The following TMPRSS15 variants were observed in gnomAD, a reference collection of about 807,000 sequenced individuals.
TMPRSS15 encodes the protein enteropeptidase.
TMPRSS15 carries 128 observed loss-of-function variants against 125.3 expected under a neutral mutation model. The observed-to-expected ratio is 1.02, with a 90% CI of 0.89 to 1.18. The LOEUF (loss-of-function observed/expected upper bound fraction) is 1.18, where lower values mean the gene tolerates loss of function less well. TMPRSS15 is among the 50% of genes most tolerant of loss of function. TMPRSS15 has a pLI of 0.00. For synonymous variants in TMPRSS15, 446 were observed against 423.2 expected, an observed-to-expected ratio of 1.05 and a Z score of -0.66; for missense variants, 1,283 against 1,212.7, an observed-to-expected ratio of 1.06 and a Z score of -0.86.
chr21:18,343,829 G>T, intron 11 of TMPRSS15, 126 bp downstream of exon 11: 1 of 1,167,040 alleles, frequency 8.6e-7, no homozygotes, highest in Middle Eastern at 1.9e-4. Flanking sequence ...TTATCAGTTG[G>T]GAAAAGTAAT....
At chr21:18,331,827 AC>A (rs1322962077) in intron 14 of TMPRSS15, among the ~76,000 whole-genome samples, 2 of 152,216 alleles carry the variant, frequency 1.3e-5, no homozygotes, top group Non-Finnish European at 2.9e-5. Context: ...TAATAATGAC[AC>A]CTGCTTCAAG....
intron 4 of TMPRSS15, among the ~76,000 whole-genome samples, chr21:18,380,283 T>C (rs2075881059): frequency 6.6e-6 from 1 of 151,910 alleles, no homozygotes; most frequent in African/African-American, 2.4e-5. Context: ...ATATCTCTCA[T>C]ATATATTTGT....
At chr21:18,481,246 C>A (rs1978975255) in intron 1 of TMPRSS15, among the ~76,000 whole-genome samples, 1 of 151,764 alleles carries the variant, frequency 6.6e-6, no homozygotes, top group African/African-American at 2.4e-5. Flanking sequence ...TTTCTTAACT[C>A]TTCTGAGCTT....
Position 18,348,829 on chromosome 21 carries a change from AAGT to A in TMPRSS15, c.1171+4071_1171+4073del, listed in dbSNP as rs2075535568. Among the ~76,000 whole-genome samples the A allele has an allele frequency of 2.6e-5, 4 of 152,368 alleles. No homozygotes were observed. In the South Asian group the frequency reaches 8.3e-4, roughly 32 times the overall value. On this transcript the variant is annotated intron_variant, in intron 10 of 24. Coordinates refer to ENST00000284885, the MANE Select transcript of TMPRSS15 (RefSeq NM_002772.3). ...CGAATACTTTTGCAGTATGAAAAGA[AAGT>A]AGTTATAATACCTAACATTTATATA... is the stretch of plus-strand genomic sequence containing the variant.
chr21:18,398,916 C>T lies in TMPRSS15; in HGVS notation c.146-587G>A, dbSNP rs1004631153. 7.9e-5 allele frequency among the ~76,000 whole-genome samples: 12 copies of T among 151,456 alleles called. 1 individual carries two copies. The South Asian group carries it at 1.2e-3, about 16-fold the overall frequency. On this transcript the variant is annotated intron_variant, in intron 1 of 24. Transcript: ENST00000284885. ...AGCTGGTGACTGTCTTTGTTGAAGA[C>T]GTTATTTAGAATGCTGTAGAAAATA... is the stretch of plus-strand genomic sequence containing the variant.
At chr21:18,346,849 T>A (rs930798545) in intron 10 of TMPRSS15, among the ~76,000 whole-genome samples, 1 of 152,202 alleles carries the variant, frequency 6.6e-6, no homozygotes. Context: ...TTATTCAAGA[T>A]CTTTTATTAT....
At chr21:18,448,050 T>C (rs915566995) in intron 1 of TMPRSS15, among the ~76,000 whole-genome samples, 7 of 152,154 alleles carry the variant, frequency 4.6e-5, no homozygotes, top group African/African-American at 1.7e-4. Flanking sequence ...TAAACAGTAG[T>C]ATAAAGGTTC....
intron 16 of TMPRSS15, among the ~76,000 whole-genome samples, chr21:18,316,249 A>G (rs754186275): frequency 2.0e-5 from 3 of 152,036 alleles, no homozygotes; most frequent in Non-Finnish European, 4.4e-5. Flanking sequence ...GAGGTTGTCA[A>G]CTCACCTCTT....
At chr21:18,377,793 A>G (rs1466943203) in intron 5 of TMPRSS15, among the ~76,000 whole-genome samples, 1 of 152,140 alleles carries the variant, frequency 6.6e-6, no homozygotes, top group Non-Finnish European at 1.5e-5. Flanking sequence ...TCCACTCATC[A>G]GGAGAGAAAA....
chr21:18,296,041 T>C (rs1002276796), intron 19 of TMPRSS15, among the ~76,000 whole-genome samples: 2 of 152,048 alleles, frequency 1.3e-5, no homozygotes, highest in African/African-American at 4.8e-5. Context: ...TAGCCCCAGC[T>C]ACTTGGGAGG....
intron 18 of TMPRSS15, among the ~76,000 whole-genome samples, chr21:18,310,457 A>G (rs1383450579): frequency 6.6e-6 from 1 of 151,866 alleles, no homozygotes; most frequent in African/African-American, 2.4e-5. Context: ...TCCCATCTAC[A>G]ACAATCACAA....
intron 6 of TMPRSS15, among the ~76,000 whole-genome samples, chr21:18,365,896 G>A (rs1233124583): frequency 7.9e-5 from 12 of 151,146 alleles, no homozygotes; most frequent in African/African-American, 2.9e-4. Context: ...CACCACGCCC[G>A]GATAATTTTT....
chr21:18,393,296 G>T (rs2076006242), intron 3 of TMPRSS15, among the ~76,000 whole-genome samples: 1 of 152,024 alleles, frequency 6.6e-6, no homozygotes, highest in Non-Finnish European at 1.5e-5. Context: ...GAAAATCAAA[G>T]AAAGAAATAA....
chr21:18,311,457 A>G (rs186390241), intron 18 of TMPRSS15, among the ~76,000 whole-genome samples: 17 of 152,340 alleles, frequency 1.1e-4, no homozygotes, highest in African/African-American at 4.1e-4. Flanking sequence ...TCAAAAAAAG[A>G]CATACAAATA....
At chr21:18,481,457 T>TATG (rs1978979479) in intron 1 of TMPRSS15, among the ~76,000 whole-genome samples, 1 of 151,860 alleles carries the variant, frequency 6.6e-6, no homozygotes, top group African/African-American at 2.4e-5. Context: ...TAATTTTCAG[T>TATG]TGTAAAACAA....
intron 1 of TMPRSS15, among the ~76,000 whole-genome samples, chr21:18,451,824 G>T (rs1412249853): frequency 6.6e-6 from 1 of 152,094 alleles, no homozygotes; most frequent in African/African-American, 2.4e-5. Flanking sequence ...GACTCAGTGA[G>T]TTTAGAGCCA....
intron 21 of TMPRSS15, 46 bp downstream of exon 21, chr21:18,294,224 G>A: frequency 6.2e-7 from 1 of 1,611,180 alleles, no homozygotes; most frequent in South Asian, 1.1e-5. Context: ...GGCAGTGTCT[G>A]CTGTGGTGAC....
chr21:18,365,653 T>C (rs563753696), intron 6 of TMPRSS15, among the ~76,000 whole-genome samples: 5 of 107,956 alleles, frequency 4.6e-5, no homozygotes, highest in African/African-American at 1.8e-4. Flanking sequence ...TTTCCTCCCT[T>C]CCTTCCTTCC....
intron 1 of TMPRSS15, among the ~76,000 whole-genome samples, chr21:18,466,613 C>T (rs945465248): frequency 6.6e-6 from 1 of 152,094 alleles, no homozygotes; most frequent in Non-Finnish European, 1.5e-5. Context: ...TATGAACAGA[C>T]ACTTCTCAAA....
Sources: gnomAD v4.1 joint callset for allele counts (sites outside exome capture counted in the v4.1 genomes callset) on GRCh38, gnomAD v4.1.1 for gene constraint, MANE v1.5 for transcripts, NCBI Gene and HGNC (gene_info 2026-07-23, HGNC 2026-07-21) for gene names.